BANK1: variants seen among roughly 807,000 people sequenced by gnomAD.
BANK1 encodes the protein B cell scaffold protein with ankyrin repeats 1.
BANK1 carries 95 observed loss-of-function variants against 94.5 expected under a neutral mutation model. The ratio of observed to expected loss-of-function variants is 1.00; its 90% CI spans 0.85 to 1.19. The LOEUF is 1.19. Ranked by LOEUF, BANK1 falls within the 50% of genes most tolerant of loss-of-function variation. The probability of loss-of-function intolerance (pLI) is 0.00; values close to 1 mark genes in which losing one functional copy is unlikely to be tolerated. For missense variants in BANK1, 987 were observed against 932.2 expected, an observed-to-expected ratio of 1.06 and a Z score of -0.77; for synonymous variants, 334 against 308.4, an observed-to-expected ratio of 1.08 and a Z score of -0.87.
intron 2 of BANK1, among the ~76,000 whole-genome samples, chr4:101,833,313 T>G (rs536106476): frequency 3.3e-5 from 5 of 151,912 alleles, no homozygotes; most frequent in African/African-American, 2.4e-5. Context: ...GAAAAGTGAG[T>G]TTTTTTTGGT....
chr4:102,052,332 G>A (rs1728080833), intron 11 of BANK1, among the ~76,000 whole-genome samples: 1 of 151,758 alleles, frequency 6.6e-6, no homozygotes, highest in Non-Finnish European at 1.5e-5. Context: ...TGGCCAGGAT[G>A]GTCTGGATCT....
rs186168550 is a variant in BANK1, at chr4:101,907,248, A to G, written c.1010-10745A>G. On this transcript the variant is annotated intron_variant, in intron 6 of 16. Coordinates refer to ENST00000322953, the MANE Select transcript of BANK1 (RefSeq NM_017935.5). ...ATCCCTGGGATGCAAGGCTGGTTCA[A>G]CATATGCAAGTCAATAAATGTAATC... is the stretch of plus-strand genomic sequence containing the variant. Among the ~76,000 whole-genome samples, 12 of 152,332 alleles carry G rather than the reference A, an allele frequency of 7.9e-5. No individual in the cohort carries two copies. In the East Asian group the frequency reaches 2.3e-3, roughly 29 times the overall value.
At chr4:101,841,708 C>T (rs1482548902) in intron 2 of BANK1, among the ~76,000 whole-genome samples, 8 of 151,362 alleles carry the variant, frequency 5.3e-5, no homozygotes, top group Non-Finnish European at 7.4e-5. Context: ...ATGTGCCATG[C>T]TGGTGTGCTG....
intron 2 of BANK1, among the ~76,000 whole-genome samples, chr4:101,844,360 A>G (rs1319459033): frequency 6.6e-6 from 1 of 152,220 alleles, no homozygotes; most frequent in Admixed American, 6.5e-5. Context: ...GCCTATATGA[A>G]GGAATGAAAG....
chr4:102,017,277 C>T (rs1385882182), intron 7 of BANK1, among the ~76,000 whole-genome samples: 1 of 152,120 alleles, frequency 6.6e-6, no homozygotes, highest in Non-Finnish European at 1.5e-5. Flanking sequence ...AGGCATTTGG[C>T]CCAATAAAGG....
chr4:101,856,682 C>T (rs1423942220), intron 3 of BANK1, among the ~76,000 whole-genome samples: 2 of 152,082 alleles, frequency 1.3e-5, no homozygotes, highest in Non-Finnish European at 2.9e-5. Context: ...TCACTGCTAT[C>T]TAAGCAAAGA....
chr4:101,836,591 T>C (rs1343637237), intron 2 of BANK1, among the ~76,000 whole-genome samples: 1 of 152,224 alleles, frequency 6.6e-6, no homozygotes, highest in Non-Finnish European at 1.5e-5. Flanking sequence ...TGTTTTTAAG[T>C]ACAGATTTAT....
At chr4:101,969,050 A>G (rs562574360) in intron 7 of BANK1, among the ~76,000 whole-genome samples, 6 of 152,118 alleles carry the variant, frequency 3.9e-5, no homozygotes, top group African/African-American at 1.4e-4. Flanking sequence ...TTGGAAGGAG[A>G]GTCGTCTCTA....
chr4:101,917,829 A>C (rs1337265854), intron 6 of BANK1, among the ~76,000 whole-genome samples, 164 bp from the exon 7 acceptor site: 2 of 151,906 alleles, frequency 1.3e-5, no homozygotes, highest in Non-Finnish European at 2.9e-5. Flanking sequence ...TAGGTAATTG[A>C]GCGAGGGGAA....
chr4:101,805,378 G>A (rs992647321), intron 1 of BANK1, among the ~76,000 whole-genome samples: 5 of 152,018 alleles, frequency 3.3e-5, no homozygotes, highest in African/African-American at 1.2e-4. Context: ...TTAGTACTCA[G>A]GTGGGATGCT....
At chr4:102,045,494 G>A (rs1727850264) in intron 11 of BANK1, among the ~76,000 whole-genome samples, 1 of 152,150 alleles carries the variant, frequency 6.6e-6, no homozygotes, top group African/African-American at 2.4e-5. Flanking sequence ...AAAAGAGGAA[G>A]TCAAATTGTC....
chr4:101,898,696 G>A (rs929677526), intron 6 of BANK1, among the ~76,000 whole-genome samples: 10 of 152,012 alleles, frequency 6.6e-5, no homozygotes, highest in Admixed American at 3.9e-4. Flanking sequence ...TATTATTGCC[G>A]CATCCTCAAT....
chr4:102,036,422 G>C (rs1727515425), intron 10 of BANK1, among the ~76,000 whole-genome samples: 1 of 152,138 alleles, frequency 6.6e-6, no homozygotes, highest in Non-Finnish European at 1.5e-5. Context: ...AATGGTCTCT[G>C]TCCTCATTAG....
At chr4:102,010,017 A>T (rs1578453102) in intron 7 of BANK1, among the ~76,000 whole-genome samples, 1 of 152,214 alleles carries the variant, frequency 6.6e-6, no homozygotes, top group Non-Finnish European at 1.5e-5. Flanking sequence ...CTGTAATCCC[A>T]GCACTTTGGG....
intron 7 of BANK1, among the ~76,000 whole-genome samples, chr4:102,020,512 A>T (rs2148946303): frequency 6.6e-6 from 1 of 152,186 alleles, no homozygotes; most frequent in South Asian, 2.1e-4. Context: ...GCTTCTCTGG[A>T]TGACATTAGT....
chr4:102,064,170 A>G (rs913165076), intron 13 of BANK1, among the ~76,000 whole-genome samples: 9 of 152,222 alleles, frequency 5.9e-5, no homozygotes, highest in African/African-American at 2.2e-4. Flanking sequence ...TTTCATTAAT[A>G]TTGCATAGCT....
At position 102,021,563 on chromosome 4, in the gene BANK1, A is replaced by C. The variant is rs1447460571; in HGVS notation, c.1256A>C (p.Asp419Ala). 1.4e-6 allele frequency: 2 copies of C among 1,457,140 alleles called. No homozygotes were observed. Among genetic ancestry groups the C allele is most frequent in the Non-Finnish European group, 9.2e-7 (1 of 1,081,858 alleles). 90.3% of individuals were successfully genotyped at this position (1,457,140 alleles called of 1,614,324 possible). ...GAGCAAGAAAATGATTATGAAGAGG[A>C]TATTGCCTCATTTTCCACATATATT... The part of the protein sequence containing the change: ...NNEQENDYEE[D>A]IASFSTYIPS... The change falls in exon 8 of 17, where the codon GAT becomes GCT. Residue 419 changes from aspartate to alanine, a missense_variant. Transcript: ENST00000322953.
At chr4:101,853,261 C>T (rs904086828) in intron 2 of BANK1, among the ~76,000 whole-genome samples, 2 of 152,128 alleles carry the variant, frequency 1.3e-5, no homozygotes, top group East Asian at 1.9e-4. Flanking sequence ...TCAGAAACAG[C>T]GTGGAGACAG....
chr4:101,992,619 A>G (rs1376877741), intron 7 of BANK1, among the ~76,000 whole-genome samples: 4 of 152,130 alleles, frequency 2.6e-5, no homozygotes, highest in African/African-American at 4.8e-5. Context: ...CTTTTTACAT[A>G]TCTCTTTGGA....
Sources: gnomAD v4.1 joint callset for allele counts (sites outside exome capture counted in the v4.1 genomes callset) on GRCh38, gnomAD v4.1.1 for gene constraint, MANE v1.5 for transcripts, NCBI Gene and HGNC (gene_info 2026-07-23, HGNC 2026-07-21) for gene names.